The following HADH variants were observed in gnomAD, a reference collection of about 807,000 sequenced individuals.
The protein encoded by HADH is hydroxyacyl-CoA dehydrogenase.
Under a neutral mutation model 32.2 loss-of-function variants are expected in HADH, and 24 were observed. The ratio of observed to expected loss-of-function variants is 0.75; its 90% CI spans 0.54 to 1.05. HADH has a LOEUF of 1.05. HADH is among the 50% of genes least tolerant of loss of function. The pLI, the probability that HADH is intolerant of heterozygous loss-of-function variation, is 0.00. For missense variants in HADH, 350 were observed against 397.1 expected (o/e 0.88, Z 1.01); for synonymous variants, 139 against 152.5 (o/e 0.91, Z 0.65).
Position 108,034,283 on chromosome 4 carries a change from C to CTTT in HADH, c.871_872insTTT (p.Pro291delinsLeuSer). 1.2e-6 allele frequency: 2 copies of CTTT among 1,613,558 alleles called. No individual in the cohort carries two copies. Among genetic ancestry groups the CTTT allele is most frequent in the Non-Finnish European group, 1.7e-6 (2 of 1,179,476 alleles). ...AGAGAACCCATTACATCAGCCCAGC[C>CTTT]CATCCTTAAATAAGCTGGTAGCAGA... On this transcript the variant is annotated protein_altering_variant, in exon 8 of 8. Transcript: ENST00000309522.
intron 6 of HADH, chr4:108,028,848 C>G: frequency 2.5e-6 from 1 of 398,484 alleles, no homozygotes; most frequent in South Asian, 1.3e-4. Flanking sequence ...GATGCATTCT[C>G]CAATGCACCA....
At chr4:108,032,287 G>A in intron 6 of HADH, 1 of 1,393,186 alleles carries the variant, frequency 7.2e-7, no homozygotes, top group Non-Finnish European at 1.0e-6. Context: ...AAATTTCCAA[G>A]GGAAAAGCAC....
In HADH at chr4:108,017,703, C is replaced by T. The variant is rs190889300; in HGVS notation, c.420-1837C>T. On this transcript the variant is annotated intron_variant, in intron 3 of 7. Transcript: ENST00000309522. The stretch of plus-strand genomic sequence containing the variant: ...CCTAGTGGCTGGGATTACAGGCATG[C>T]GCTACCATGCCCAGCTAATTTTTGT... Among the ~76,000 whole-genome samples, 292 of 152,090 alleles carry T rather than the reference C, an allele frequency of 1.9e-3. 2 individuals are homozygous for T. Among genetic ancestry groups the T allele is most frequent in the African/African-American group, 5.7e-3 (237 of 41,514 alleles).
chr4:107,999,928 A>T (rs756881077), intron 1 of HADH, among the ~76,000 whole-genome samples: 1 of 152,022 alleles, frequency 6.6e-6, no homozygotes, highest in African/African-American at 2.4e-5. Flanking sequence ...TAGTGTGTAT[A>T]TATATCTTAT....
intron 7 of HADH, 114 bp from the exon 8 acceptor site, chr4:108,034,125 G>A: frequency 1.3e-6 from 1 of 799,450 alleles, no homozygotes; most frequent in South Asian, 1.3e-5. Flanking sequence ...GGGGCGCCAT[G>A]CCTGGGGGGC....
chr4:108,003,069 C>G (rs1182307311), intron 1 of HADH, among the ~76,000 whole-genome samples: 1 of 148,430 alleles, frequency 6.7e-6, no homozygotes, highest in Non-Finnish European at 1.5e-5. Context: ...CACCCAAAGT[C>G]ACACAGTGAG....
intron 1 of HADH, among the ~76,000 whole-genome samples, chr4:107,995,296 C>T (rs780909678): frequency 1.3e-5 from 2 of 152,182 alleles, no homozygotes; most frequent in African/African-American, 4.8e-5. Flanking sequence ...TGCCTCTTTA[C>T]TTACCTGGGA....
rs1736381421 is a variant in HADH at position 108,034,291 on chromosome 4, A to C, written c.879A>C (p.Leu293Phe). ...ENPLHQPSPS[L>F]NKLVAENKFG... ...CATTACATCAGCCCAGCCCATCCTT[A>C]AATAAGCTGGTAGCAGAGAACAAGT... Residue 293 changes from leucine to phenylalanine, a missense_variant, in exon 8 of 8, where the codon TTA (leucine) becomes TTC (phenylalanine). Coordinates refer to ENST00000309522, the MANE Select transcript of HADH (RefSeq NM_005327.7). 1 of 1,613,658 alleles carries C rather than the reference A, an allele frequency of 6.2e-7. No homozygotes were observed. Among genetic ancestry groups the C allele is most frequent in the African/African-American group, 1.3e-5 (1 of 74,910 alleles).
At chr4:107,996,771 G>T (rs1734969626) in intron 1 of HADH, among the ~76,000 whole-genome samples, 1 of 152,020 alleles carries the variant, frequency 6.6e-6, no homozygotes, top group Non-Finnish European at 1.5e-5. Flanking sequence ...ACACATGCCT[G>T]CAGTCCCAGC....
chr4:107,991,166 TAA>T (rs373541925), intron 1 of HADH, among the ~76,000 whole-genome samples: 1 of 147,948 alleles, frequency 6.8e-6, no homozygotes, highest in Non-Finnish European at 1.5e-5. Flanking sequence ...TTTTTTTTTT[TAA>T]AAATTATTCC....
intron 1 of HADH, among the ~76,000 whole-genome samples, chr4:108,001,856 CTG>C (rs1268282838): frequency 7.9e-5 from 12 of 152,196 alleles, no homozygotes; most frequent in African/African-American, 2.7e-4. Flanking sequence ...CCATAGTTGA[CTG>C]TTGGTAACTG....
chr4:108,027,293 T>G (rs540596197), intron 5 of HADH: 1 of 348,264 alleles, frequency 2.9e-6, no homozygotes, highest in Non-Finnish European at 5.6e-6. Flanking sequence ...TTCTGATTTA[T>G]CTTCACAACT....
At chr4:108,017,705 C>T (rs1422198388) in intron 3 of HADH, among the ~76,000 whole-genome samples, 1 of 152,110 alleles carries the variant, frequency 6.6e-6, no homozygotes, top group Admixed American at 6.5e-5. Context: ...CAGGCATGCG[C>T]TACCATGCCC....
At chr4:108,014,684 G>T in intron 3 of HADH, 96 bp downstream of exon 3, 1 of 1,114,318 alleles carries the variant, frequency 9.0e-7, no homozygotes, top group Non-Finnish European at 1.3e-6. Context: ...GTGAGTACAA[G>T]TGCAGTTTTG....
intron 2 of HADH, among the ~76,000 whole-genome samples, chr4:108,012,537 A>T (rs1735535386): frequency 6.6e-6 from 1 of 152,128 alleles, no homozygotes; most frequent in South Asian, 2.1e-4. Context: ...CTTCACATTC[A>T]AATGTATTTG....
intron 1 of HADH, among the ~76,000 whole-genome samples, 160 bp from the exon 2 acceptor site, chr4:108,009,599 G>T (rs1404834534): frequency 6.6e-6 from 1 of 152,182 alleles, no homozygotes; most frequent in Non-Finnish European, 1.5e-5. Flanking sequence ...TGTGTGTTTA[G>T]TTAATGTTGA....
chr4:108,008,266 G>A (rs576238503), intron 1 of HADH, among the ~76,000 whole-genome samples: 5 of 152,228 alleles, frequency 3.3e-5, no homozygotes, highest in African/African-American at 1.2e-4. Flanking sequence ...TTCATTCCAC[G>A]TTGCCCCGGT....
At chr4:107,994,325 G>A (rs568108563) in intron 1 of HADH, among the ~76,000 whole-genome samples, 1 of 152,198 alleles carries the variant, frequency 6.6e-6, no homozygotes, top group East Asian at 1.9e-4. Context: ...TAAGGGCAGG[G>A]AGAGCCTGCT....
At chr4:108,003,698 T>C (rs1383433757) in intron 1 of HADH, among the ~76,000 whole-genome samples, 1 of 151,264 alleles carries the variant, frequency 6.6e-6, no homozygotes, top group Non-Finnish European at 1.5e-5. Flanking sequence ...AGTCATGAAA[T>C]CAGAAGATGT....
Sources: gnomAD v4.1 joint callset for allele counts (sites outside exome capture counted in the v4.1 genomes callset) on GRCh38, gnomAD v4.1.1 for gene constraint, MANE v1.5 for transcripts, NCBI Gene and HGNC (gene_info 2026-07-23, HGNC 2026-07-21) for gene names.